The following CCSER1 variants were observed in gnomAD, a reference collection of about 807,000 sequenced individuals.
CCSER1 encodes serine-rich coiled-coil domain-containing protein 1.
In CCSER1, 41 loss-of-function variants were observed where a neutral mutation model predicts 82.0. The ratio of observed to expected loss-of-function variants is 0.50; its 90% confidence interval spans 0.39 to 0.65. The LOEUF is 0.65. Ranked by LOEUF, CCSER1 falls within the 30% of genes least tolerant of loss-of-function variation. The pLI is 0.00. For missense variants in CCSER1, 1,119 were observed against 1,064.2 expected, an observed-to-expected ratio of 1.05 and a Z score of -0.72; for synonymous variants, 414 against 383.9, an observed-to-expected ratio of 1.08 and a Z score of -0.92.
chr4:91,285,183 A>G (rs527487674), intron 10 of CCSER1, among the ~76,000 whole-genome samples: 79 of 151,672 alleles, frequency 5.2e-4, no homozygotes, highest in Admixed American at 6.6e-4. Context: ...ATGGCTTCTT[A>G]AATATAGGCA....
intron 10 of CCSER1, among the ~76,000 whole-genome samples, chr4:91,120,732 A>T (rs913050635): frequency 6.6e-6 from 1 of 151,968 alleles, no homozygotes; most frequent in Admixed American, 6.6e-5. Flanking sequence ...TTCAAGGTGT[A>T]GAGAAAATGG....
intron 10 of CCSER1, among the ~76,000 whole-genome samples, chr4:91,219,220 C>T (rs1737536802): frequency 6.6e-6 from 1 of 151,382 alleles, no homozygotes; most frequent in South Asian, 2.1e-4. Flanking sequence ...TTATAAAAGC[C>T]AGTATGTGTC....
intron 8 of CCSER1, among the ~76,000 whole-genome samples, chr4:90,818,382 A>G (rs1233619921): frequency 6.7e-6 from 1 of 150,372 alleles, no homozygotes; most frequent in Non-Finnish European, 1.5e-5. Flanking sequence ...GGTTCAAGCG[A>G]TTCTCTTGCC....
chr4:91,216,564 C>T (rs1216907091), intron 10 of CCSER1, among the ~76,000 whole-genome samples: 1 of 152,132 alleles, frequency 6.6e-6, no homozygotes, highest in Non-Finnish European at 1.5e-5. Flanking sequence ...TCGTGATCCA[C>T]CCATCTCGGC....
intron 3 of CCSER1, among the ~76,000 whole-genome samples, chr4:90,346,002 C>G (rs1421772859): frequency 6.6e-6 from 1 of 151,934 alleles, no homozygotes. Flanking sequence ...TTTCTGTGGT[C>G]TAACCACTCT....
At chr4:91,567,134 A>C (rs775052657) in intron 10 of CCSER1, among the ~76,000 whole-genome samples, 2 of 152,188 alleles carry the variant, frequency 1.3e-5, no homozygotes, top group African/African-American at 4.8e-5. Flanking sequence ...TAATATCATT[A>C]GTTACCCAAA....
chr4:90,406,907 A>C (rs904555695), intron 4 of CCSER1, among the ~76,000 whole-genome samples: 1 of 152,200 alleles, frequency 6.6e-6, no homozygotes, highest in Non-Finnish European at 1.5e-5. Context: ...AAAAATTCTG[A>C]AATAGCACAA....
At chr4:90,845,946 G>C (rs900660979) in intron 8 of CCSER1, among the ~76,000 whole-genome samples, 6 of 151,228 alleles carry the variant, frequency 4.0e-5, no homozygotes, top group African/African-American at 1.5e-4. Context: ...TAGTGTCATA[G>C]TGCTGTGTCT....
At chr4:91,172,321 G>T (rs1394628047) in intron 10 of CCSER1, among the ~76,000 whole-genome samples, 1 of 152,170 alleles carries the variant, frequency 6.6e-6, no homozygotes, top group Non-Finnish European at 1.5e-5. Context: ...GAAAAAAGGA[G>T]AGCTTAATAA....
chr4:90,285,706 C>A (rs1280910464), intron 1 of CCSER1, among the ~76,000 whole-genome samples: 1 of 151,922 alleles, frequency 6.6e-6, no homozygotes, highest in Non-Finnish European at 1.5e-5. Flanking sequence ...AGCATACATC[C>A]TTGTCTTTTC....
chr4:91,003,535 A>T (rs1014896901), intron 9 of CCSER1, among the ~76,000 whole-genome samples: 2 of 152,074 alleles, frequency 1.3e-5, no homozygotes, highest in African/African-American at 4.8e-5. Context: ...CTCACCCAGC[A>T]CCCACGCAAC....
At chr4:90,770,940 G>A (rs1360299356) in intron 7 of CCSER1, among the ~76,000 whole-genome samples, 1 of 152,014 alleles carries the variant, frequency 6.6e-6, no homozygotes, top group Non-Finnish European at 1.5e-5. Flanking sequence ...CACCTAAGTT[G>A]GAAGAAAAAA....
intron 4 of CCSER1, among the ~76,000 whole-genome samples, chr4:90,417,757 C>G (rs78540504): frequency 0.012 from 1,889 of 152,102 alleles, 30 homozygotes; most frequent in African/African-American, 0.042. Flanking sequence ...CCTCCTGTGC[C>G]TATTAATTAG....
At chr4:90,235,965 A>C (rs1745713038) in intron 1 of CCSER1, among the ~76,000 whole-genome samples, 1 of 151,764 alleles carries the variant, frequency 6.6e-6, no homozygotes, top group Non-Finnish European at 1.5e-5. Context: ...TTTTTGAGAG[A>C]GTGTCTCATT....
intron 10 of CCSER1, among the ~76,000 whole-genome samples, chr4:91,162,467 C>A (rs943766290): frequency 6.6e-6 from 1 of 152,172 alleles, no homozygotes; most frequent in African/African-American, 2.4e-5. Context: ...AGAGGAATTC[C>A]TCTTTTTCTA....
chr4:90,388,084 A>G (rs893399207), intron 3 of CCSER1, among the ~76,000 whole-genome samples: 2 of 152,214 alleles, frequency 1.3e-5, no homozygotes, highest in African/African-American at 4.8e-5. Context: ...TTAACATTTT[A>G]GACTTGAACG....
chr4:90,688,270 C>A (rs1735184237), intron 6 of CCSER1, among the ~76,000 whole-genome samples: 1 of 151,938 alleles, frequency 6.6e-6, no homozygotes. Flanking sequence ...CATTCTGTAT[C>A]CTTTGCTAAA....
At chr4:91,140,691 G>A (rs1728939404) in intron 10 of CCSER1, among the ~76,000 whole-genome samples, 1 of 152,160 alleles carries the variant, frequency 6.6e-6, no homozygotes, top group Non-Finnish European at 1.5e-5. Flanking sequence ...TGGAAATCAT[G>A]TTTTTTCACT....
At chr4:90,967,884 C>T (rs1734719225) in intron 9 of CCSER1, among the ~76,000 whole-genome samples, 2 of 151,914 alleles carry the variant, frequency 1.3e-5, no homozygotes, top group Admixed American at 1.3e-4. Flanking sequence ...ATAAATAATC[C>T]AAAAATAGAC....
Sources: gnomAD v4.1 joint callset for allele counts (sites outside exome capture counted in the v4.1 genomes callset) on GRCh38, gnomAD v4.1.1 for gene constraint, MANE v1.5 for transcripts, NCBI Gene and HGNC (gene_info 2026-07-23, HGNC 2026-07-21) for gene names.